Variants in PKLR observed in about 807,000 individuals in gnomAD.
PKLR encodes pyruvate kinase PKLR.
PKLR carries 38 observed loss-of-function variants against 53.6 expected under a neutral mutation model. That is an observed-to-expected ratio of 0.71 (90% confidence interval 0.55 to 0.93). The LOEUF is 0.93. PKLR is among the 40% of genes least tolerant of loss of function. The probability of loss-of-function intolerance (pLI) is 0.00; values close to 1 mark genes in which losing one functional copy is unlikely to be tolerated. For missense variants in PKLR, 702 were observed against 787.3 expected (o/e 0.89, Z 1.30); for synonymous variants, 328 against 316.2 (o/e 1.04, Z -0.39).
At position 155,295,030 on chromosome 1, in the gene PKLR, A is replaced by C; in HGVS notation, c.694+86T>G. On this transcript the variant is annotated intron_variant, in intron 5 of 10. Transcript: ENST00000342741. The surrounding 1 kb of genome is among the most constrained non-coding windows in gnomAD (Gnocchi z 4.3). The stretch of plus-strand genomic sequence containing the variant: ...AAACGCGTGGCCAGGGGAAGGTGTG[A>C]TCGGTCTGAGGGCTGATGGGGGAGC... The C allele has an allele frequency of 6.9e-7, 1 of 1,448,074 alleles. No homozygotes were observed. The highest frequency in any genetic ancestry group is 1.2e-5 in the South Asian group (1 of 84,764). The allele number at this position is 1,448,074 out of a possible 1,614,324, so 89.7% of individuals were successfully genotyped here. A position where few individuals can be genotyped will look rare whatever the true frequency, so the allele number is the denominator to read the frequency against.
chr1:155,299,014 CTTTCTTTCTTTCTTTCTTTCT>C (rs1452006183), intron 2 of PKLR, among the ~76,000 whole-genome samples: 19 of 102,540 alleles, frequency 1.9e-4, no homozygotes, highest in Admixed American at 5.7e-4. Flanking sequence ...TTCTTTCTTT[CTTTCTTTCTTTCTTTCTTTCT>C]CTTTCTTTCT....
intron 2 of PKLR, among the ~76,000 whole-genome samples, chr1:155,297,205 C>G (rs1382082395): frequency 6.6e-6 from 1 of 152,168 alleles, no homozygotes; most frequent in Non-Finnish European, 1.5e-5. Context: ...AAATGTCTCT[C>G]CAATCCAGAC....
chr1:155,293,800 G>A lies in PKLR; in HGVS notation c.1117-210C>T, dbSNP rs1385240680. ...GGGTCAAAGTATATTTAACTTTGTC[G>A]TTTGAGGATCAAACACTTTTCATCC... On this transcript the variant is annotated intron_variant, in intron 7 of 10. Transcript: ENST00000342741. The surrounding 1 kb of genome is among the most constrained non-coding windows in gnomAD (Gnocchi z 4.2). Among the ~76,000 whole-genome samples the A allele has an allele frequency of 6.6e-6, 1 of 152,146 alleles. No homozygotes were observed. The highest frequency in any genetic ancestry group is 6.5e-5 in the Admixed American group (1 of 15,276).
Position 155,299,609 on chromosome 1 carries a change from C to T in PKLR, c.283+489G>A, listed in dbSNP as rs756203943. Among the ~76,000 whole-genome samples the T allele has an allele frequency of 2.3e-4, 32 of 138,036 alleles. No homozygotes were observed. The Middle Eastern group carries it at 0.013, about 57-fold the overall frequency. The allele number at this position is 138,036 out of a possible 152,430, so 90.6% of individuals were successfully genotyped here. ...ACAGTCTCCGCCTCCTGGGTTCAAGCGATTCTCCTGCCTCAGCCTCCTGAG... is the reference window on the plus strand; with the variant it reads ...ACAGTCTCCGCCTCCTGGGTTCAAGTGATTCTCCTGCCTCAGCCTCCTGAG... On this transcript the variant is annotated intron_variant, in intron 2 of 10. Coordinates refer to ENST00000342741, the MANE Select transcript of PKLR (RefSeq NM_000298.6).
At chr1:155,298,998 CT>C (rs1182013938) in intron 2 of PKLR, among the ~76,000 whole-genome samples, 2 of 98,738 alleles carry the variant, frequency 2.0e-5, no homozygotes, top group East Asian at 5.2e-4. Flanking sequence ...TTCTTTCTTT[CT>C]TTCTTTCTTT....
In PKLR at chr1:155,295,216, G is replaced by A. The variant is rs775787566; in HGVS notation, c.594C>T (p.Asn198=). The A allele has an allele frequency of 1.9e-6, 3 of 1,614,112 alleles. No individual in the cohort carries two copies. Among genetic ancestry groups the A allele is most frequent in the Admixed American group, 1.7e-5 (1 of 60,032 alleles). Residue 198 remains asparagine, a synonymous_variant, in exon 5 of 11, where the codon AAC becomes AAT. Coordinates refer to ENST00000342741, the MANE Select transcript of PKLR (RefSeq NM_000298.6). This position sits in a 1 kb window ranked among gnomAD's most constrained non-coding sequence, Gnocchi z 4.3. ...TATTGGGGTAGTCCACCCACACGGTGTTCGCGTTCCCCCGCGTCCGGAACG... is the reference window on the plus strand; with the variant it reads ...TATTGGGGTAGTCCACCCACACGGTATTCGCGTTCCCCCGCGTCCGGAACG... ...DPAFRTRGNA[N]TVWVDYPNIV...
In PKLR at chr1:155,295,215, TGTTCGC is replaced by T. The variant is rs1443148276; in HGVS notation, c.589_594del (p.Ala197_Asn198del). On this transcript the variant is annotated inframe_deletion, in exon 5 of 11. Transcript: ENST00000342741. This position sits in a 1 kb window ranked among gnomAD's most constrained non-coding sequence, Gnocchi z 4.3. Reference sequence around the variant, plus strand: ...ATATTGGGGTAGTCCACCCACACGGTGTTCGCGTTCCCCCGCGTCCGGAACGCGGGG... The same window carrying T: ...ATATTGGGGTAGTCCACCCACACGGTGTTCCCCCGCGTCCGGAACGCGGGG... 1.9e-6 allele frequency: 3 copies of T among 1,614,002 alleles called. No homozygotes were observed. The highest frequency in any genetic ancestry group is 2.5e-6 in the Non-Finnish European group (3 of 1,179,960).
rs980499982 is a variant in PKLR at position 155,295,969 on chromosome 1, G to A, written c.284-213C>T. On this transcript the variant is annotated intron_variant, in intron 2 of 10. Transcript: ENST00000342741. The surrounding 1 kb of genome is among the most constrained non-coding windows in gnomAD (Gnocchi z 4.3). ...TGGGGAGGCAGCAGTGTGGAAATCG[G>A]AGGGGAGTGCCCTCCGCCAGGCCTG... 6.6e-6 allele frequency among the ~76,000 whole-genome samples: 1 copy of A among 152,186 alleles called. No individual in the cohort carries two copies. The highest frequency in any genetic ancestry group is 6.5e-5 in the Admixed American group (1 of 15,280).
intron 1 of PKLR, chr1:155,300,990 A>T: frequency 6.4e-7 from 1 of 1,556,730 alleles, no homozygotes; most frequent in Non-Finnish European, 8.7e-7. Context: ...AGTTCTGCAG[A>T]CTGGTTAAAG....
At position 155,294,427 on chromosome 1, in the gene PKLR, G is replaced by T. The variant is rs750395764; in HGVS notation, c.966-42C>A. 6 of 1,614,120 alleles carry T rather than the reference G, an allele frequency of 3.7e-6. No homozygotes were observed. In the Admixed American group the frequency reaches 6.7e-5, roughly 18 times the overall value. ...ATCAAGGCAGAGGCAGGCAGGAGAAGAAAGGTGATGGGGAATAGCGACAGG... is the reference window on the plus strand; with the variant it reads ...ATCAAGGCAGAGGCAGGCAGGAGAATAAAGGTGATGGGGAATAGCGACAGG... On this transcript the variant is annotated intron_variant, in intron 6 of 10. Transcript: ENST00000342741.
intron 9 of PKLR, 148 bp from the exon 10 acceptor site, chr1:155,292,085 T>C: frequency 1.3e-6 from 1 of 769,736 alleles, no homozygotes; most frequent in Middle Eastern, 3.6e-4. Flanking sequence ...TGTTCTCACC[T>C]GTAAAATGAG....
chr1:155,300,791 C>T, intron 1 of PKLR: 1 of 1,469,778 alleles, frequency 6.8e-7, no homozygotes, highest in Non-Finnish European at 9.4e-7. Context: ...TCCTCTGAGT[C>T]TCCCCAGGCT....
In PKLR at chr1:155,295,985, G is replaced by T. The variant is rs1322578751; in HGVS notation, c.284-229C>A. Among the ~76,000 whole-genome samples, 1 of 152,048 alleles carries T rather than the reference G, an allele frequency of 6.6e-6. No individual in the cohort carries two copies. Among genetic ancestry groups the T allele is most frequent in the Middle Eastern group, 3.2e-3 (1 of 314 alleles). On this transcript the variant is annotated intron_variant, in intron 2 of 10. Coordinates refer to ENST00000342741, the MANE Select transcript of PKLR (RefSeq NM_000298.6). The surrounding 1 kb of genome is among the most constrained non-coding windows in gnomAD (Gnocchi z 4.3). ...TGGAAATCGGAGGGGAGTGCCCTCCGCCAGGCCTGAGGTCACTGTATGGGC... is the reference window on the plus strand; with the variant it reads ...TGGAAATCGGAGGGGAGTGCCCTCCTCCAGGCCTGAGGTCACTGTATGGGC...
chr1:155,302,775 C>G (rs984038477), upstream of PKLR, among the ~76,000 whole-genome samples: 1 of 151,966 alleles, frequency 6.6e-6, no homozygotes, highest in Non-Finnish European at 1.5e-5. Context: ...TGGGCTCCAA[C>G]GATCCTCCCA....
rs1414011361 is a variant in PKLR, at chr1:155,293,846, G to C, written c.1117-256C>G. On this transcript the variant is annotated intron_variant, in intron 7 of 10. Transcript: ENST00000342741. This position sits in a 1 kb window ranked among gnomAD's most constrained non-coding sequence, Gnocchi z 4.2. The stretch of plus-strand genomic sequence containing the variant: ...CATCCAAATGTGCTATAAACCTACA[G>C]TGTGGGCTGGGTGCAGTGGCTCACA... Among the ~76,000 whole-genome samples the C allele has an allele frequency of 6.6e-6, 1 of 152,134 alleles. No individual in the cohort carries two copies. Among genetic ancestry groups the C allele is most frequent in the East Asian group, 1.9e-4 (1 of 5,184 alleles).
At position 155,295,725 on chromosome 1, in the gene PKLR, C is replaced by T. The variant is rs757921751; in HGVS notation, c.315G>A (p.Lys105=). The T allele has an allele frequency of 7.4e-6, 12 of 1,614,022 alleles. No individual in the cohort carries two copies. The highest frequency in any genetic ancestry group is 5.3e-5 in the African/African-American group (4 of 74,922). ...TGTTCATCCCGGCCTTGATCATCTC[C>T]TTGAGGCGCTCCACGGAGCGAGATG... ...GPASRSVERL[K]EMIKAGMNIA... Residue 105 remains lysine (K), a synonymous_variant, in exon 3 of 11, where the codon AAG becomes AAA. Transcript: ENST00000342741. The surrounding 1 kb of genome is among the most constrained non-coding windows in gnomAD (Gnocchi z 4.3).
intron 2 of PKLR, among the ~76,000 whole-genome samples, chr1:155,299,003 T>TTTCTTTCTTTC (rs1647792705): frequency 9.9e-6 from 1 of 100,754 alleles, no homozygotes; most frequent in Non-Finnish European, 1.9e-5. Context: ...TCTTTCTTTC[T>TTTCTTTCTTTC]TTCTTTCTTT....
chr1:155,305,591 T>C (rs990854955), upstream of PKLR, among the ~76,000 whole-genome samples: 1 of 152,180 alleles, frequency 6.6e-6, no homozygotes, highest in African/African-American at 2.4e-5. Context: ...GGCCTTGTGC[T>C]TGTGGTGTTG....
Position 155,293,457 on chromosome 1 carries a change from G to A in PKLR, c.1250C>T (p.Ala417Val), listed in dbSNP as rs756549612. The change falls in exon 8 of 11, where the codon GCG becomes GTG. Residue 417 changes from alanine (A) to valine (V), a missense_variant. Physicochemically the swap from Ala to Val is moderately conservative, Grantham distance 64. Around this residue, in one of 2 missense-constraint regions of PKLR, gnomAD observed 183 missense variants for 250.2 expected, o/e 0.73. Transcript: ENST00000342741. The surrounding 1 kb of genome is among the most constrained non-coding windows in gnomAD (Gnocchi z 4.2). ...ETAKGNFPVE[A>V]VKMQHAIARE... ...TCCTACCGCATGCTGCATCTTCACC[G>A]CTTCCACAGGGAAGTTGCCCTTGGC... is the stretch of plus-strand genomic sequence containing the variant. The A allele has an allele frequency of 3.7e-5, 59 of 1,614,108 alleles. No homozygotes were observed. The highest frequency in any genetic ancestry group is 2.2e-5 in the East Asian group (1 of 44,906).
Sources: allele counts gnomAD v4.1 joint callset (sites outside exome capture counted in the v4.1 genomes callset), GRCh38; gene constraint gnomAD v4.1.1; regional missense constraint gnomAD v4.1.1; non-coding constraint Gnocchi (gnomAD v3.1); transcripts MANE v1.5; gene names NCBI Gene and HGNC (gene_info 2026-07-23, HGNC 2026-07-21).